RAB31: variants seen among roughly 807,000 people sequenced by gnomAD.
The protein encoded by RAB31 is ras-related protein Rab-31.
In RAB31, 21 loss-of-function variants were observed where a neutral mutation model predicts 25.6. The observed-to-expected ratio is 0.82, with a 90% CI of 0.58 to 1.18. The LOEUF is 1.18. RAB31 is among the 50% of genes most tolerant of loss of function. RAB31 has a pLI of 0.00. For missense variants in RAB31, 196 were observed against 250.1 expected (o/e 0.78, Z 1.46); for synonymous variants, 87 against 84.0 (o/e 1.04, Z -0.20).
chr18:9,779,056 G>A (rs73385031), intron 2 of RAB31, among the ~76,000 whole-genome samples: 4 of 152,176 alleles, frequency 2.6e-5, no homozygotes, highest in Admixed American at 6.5e-5. Context: ...AAGAGGAGGG[G>A]TTGGTTTTGC....
At position 9,711,551 on chromosome 18, in the gene RAB31, A is replaced by G. The variant is rs920033256; in HGVS notation, c.39+3107A>G. ...CCCAGCCCAGCTAATACTTTTTATTATTTTTGTAGAGATGGGGTCTCCCTA... is the reference window on the plus strand; with the variant it reads ...CCCAGCCCAGCTAATACTTTTTATTGTTTTTGTAGAGATGGGGTCTCCCTA... On this transcript the variant is annotated intron_variant, in intron 1 of 6. Coordinates refer to ENST00000578921, the MANE Select transcript of RAB31 (RefSeq NM_006868.4). 2.6e-5 allele frequency among the ~76,000 whole-genome samples: 4 copies of G among 152,028 alleles called. No homozygotes were observed. In the South Asian group the frequency reaches 8.3e-4, roughly 32 times the overall value.
At chr18:9,787,632 A>G (rs538405017) in intron 2 of RAB31, 1 of 159,284 alleles carries the variant, frequency 6.3e-6, no homozygotes, top group Admixed American at 6.4e-5. Context: ...CTTCATGCAC[A>G]ATTCACTTCT....
chr18:9,709,053 CCTGTG>C (rs1021830288), intron 1 of RAB31, among the ~76,000 whole-genome samples: 15 of 152,318 alleles, frequency 9.8e-5, no homozygotes, highest in Non-Finnish European at 2.1e-4. Context: ...GAGGCAGTGA[CCTGTG>C]CGGAGCGCGC....
chr18:9,841,184 G>C (rs1406756785), intron 5 of RAB31, among the ~76,000 whole-genome samples: 1 of 151,778 alleles, frequency 6.6e-6, no homozygotes, highest in Non-Finnish European at 1.5e-5. Flanking sequence ...CTCCTGCCTT[G>C]ACCTCCCAAA....
chr18:9,812,790 CG>C lies in RAB31; in HGVS notation c.202-1227del, dbSNP rs547075410. 2.1e-4 allele frequency among the ~76,000 whole-genome samples: 31 copies of C among 147,812 alleles called. No homozygotes were observed. In the East Asian group the frequency reaches 6.3e-3, roughly 30 times the overall value. On this transcript the variant is annotated intron_variant, in intron 3 of 6. Transcript: ENST00000578921. ...TTAGCTCACTGCAACCTCTGCCTCC[CG>C]GGTTCTAGCATTTCTCCTGCCTCAG...
intron 1 of RAB31, among the ~76,000 whole-genome samples, chr18:9,761,833 A>C (rs2068290402): frequency 6.6e-6 from 1 of 152,152 alleles, no homozygotes; most frequent in Non-Finnish European, 1.5e-5. Context: ...TTTAAGACAG[A>C]GTCTTGCTCT....
At chr18:9,720,714 T>G (rs2068069951) in intron 1 of RAB31, among the ~76,000 whole-genome samples, 1 of 150,862 alleles carries the variant, frequency 6.6e-6, no homozygotes, top group African/African-American at 2.5e-5. Context: ...GTTTATTTAG[T>G]GAGCATGTAT....
At chr18:9,755,642 G>A (rs1462523751) in intron 1 of RAB31, among the ~76,000 whole-genome samples, 1 of 152,254 alleles carries the variant, frequency 6.6e-6, no homozygotes, top group East Asian at 1.9e-4. Flanking sequence ...AGGAACCAGA[G>A]ACTGAATTTC....
At chr18:9,827,983 A>T (rs2068658426) in intron 5 of RAB31, among the ~76,000 whole-genome samples, 1 of 152,044 alleles carries the variant, frequency 6.6e-6, no homozygotes, top group Non-Finnish European at 1.5e-5. Context: ...GGAAGGGGAG[A>T]GGTCAGAATC....
chr18:9,828,433 T>C (rs2068661066), intron 5 of RAB31, among the ~76,000 whole-genome samples: 1 of 152,178 alleles, frequency 6.6e-6, no homozygotes, highest in African/African-American at 2.4e-5. Flanking sequence ...GGAGCCGTTC[T>C]AGTGTCTTGA....
At chr18:9,721,830 AG>A (rs2068075150) in intron 1 of RAB31, among the ~76,000 whole-genome samples, 1 of 151,906 alleles carries the variant, frequency 6.6e-6, no homozygotes, top group Non-Finnish European at 1.5e-5. Flanking sequence ...GCAGATGGTG[AG>A]GGGTGCTGTG....
intron 6 of RAB31, among the ~76,000 whole-genome samples, chr18:9,853,283 A>G (rs1018549721): frequency 4.6e-5 from 7 of 152,088 alleles, no homozygotes; most frequent in Admixed American, 4.6e-4. Context: ...TTTCTGTCTT[A>G]TAATTTCTAA....
intron 1 of RAB31, among the ~76,000 whole-genome samples, chr18:9,745,450 A>G: frequency 6.6e-6 from 1 of 152,232 alleles, no homozygotes; most frequent in East Asian, 1.9e-4. Context: ...TTATGAGGCC[A>G]GCATTATACT....
chr18:9,858,776 C>T lies in RAB31; in HGVS notation c.491-452C>T, dbSNP rs529416786. 4.3e-4 allele frequency among the ~76,000 whole-genome samples: 66 copies of T among 152,300 alleles called. 1 individual carries two copies. The highest frequency in any genetic ancestry group is 6.8e-3 in the Middle Eastern group (2 of 294). On this transcript the variant is annotated intron_variant, in intron 6 of 6. Transcript: ENST00000578921. The stretch of plus-strand genomic sequence containing the variant: ...CTGCTAGGAAGATTACAATTCAAAT[C>T]TATTTCTATTTTGAGAAGCAGAAAA...
chr18:9,759,700 G>C (rs1008577001), intron 1 of RAB31, among the ~76,000 whole-genome samples: 1 of 152,158 alleles, frequency 6.6e-6, no homozygotes, highest in African/African-American at 2.4e-5. Flanking sequence ...GACAGGAGGG[G>C]TGAAAAGGGC....
intron 2 of RAB31, among the ~76,000 whole-genome samples, chr18:9,776,964 C>T (rs532658834): frequency 2.0e-4 from 30 of 152,208 alleles, no homozygotes; most frequent in African/African-American, 7.2e-4. Flanking sequence ...ACTCAAAATG[C>T]TCATTGGGAT....
intron 5 of RAB31, among the ~76,000 whole-genome samples, chr18:9,822,261 A>G (rs10468801): frequency 0.016 from 2,461 of 152,318 alleles, 68 homozygotes; most frequent in African/African-American, 0.056. Context: ...TCGGACATCA[A>G]TAGGCAAAAC....
intron 1 of RAB31, among the ~76,000 whole-genome samples, chr18:9,728,868 T>C (rs1325893654): frequency 1.3e-5 from 2 of 152,186 alleles, no homozygotes; most frequent in Non-Finnish European, 2.9e-5. Context: ...TTATTTTTGC[T>C]AATATTATAG....
chr18:9,729,941 T>A (rs546873481), intron 1 of RAB31, among the ~76,000 whole-genome samples: 1 of 152,282 alleles, frequency 6.6e-6, no homozygotes, highest in African/African-American at 2.4e-5. Flanking sequence ...AAGAATAACA[T>A]GGTGTTGAAT....
Sources: gnomAD v4.1 joint callset for allele counts (sites outside exome capture counted in the v4.1 genomes callset) on GRCh38, gnomAD v4.1.1 for gene constraint, MANE v1.5 for transcripts, NCBI Gene and HGNC (gene_info 2026-07-23, HGNC 2026-07-21) for gene names.